The following DACH2 variants were observed in gnomAD, a reference collection of about 807,000 sequenced individuals.
DACH2 encodes dachshund homolog 2.
In DACH2, 17 loss-of-function variants were observed where a neutral mutation model predicts 35.8. The observed-to-expected ratio is 0.48, with a 90% CI of 0.33 to 0.71. The LOEUF (loss-of-function observed/expected upper bound fraction) is 0.71, where lower values mean the gene tolerates loss of function less well. Ranked by LOEUF, DACH2 falls within the 30% of genes least tolerant of loss-of-function variation. DACH2 has a pLI of 0.02. For missense variants in DACH2, 469 were observed against 472.7 expected (o/e 0.99, Z 0.07); for synonymous variants, 195 against 177.3 (o/e 1.10, Z -0.79).
chrX:86,244,371 T>C (rs2033234371), intron 1 of DACH2, among the ~76,000 whole-genome samples: 1 of 112,185 alleles, frequency 8.9e-6, no homozygotes, highest in African/African-American at 3.2e-5. Context: ...TTAGGGATGG[T>C]GCAAGGAAAA....
chrX:86,553,080 G>A (rs1317303968), intron 3 of DACH2, among the ~76,000 whole-genome samples: 1 of 110,895 alleles, frequency 9.0e-6, no homozygotes, highest in Admixed American at 9.7e-5. Flanking sequence ...CAATCACGAG[G>A]TGAAGTCCCA....
At chrX:86,769,856 C>G (rs991785258) in intron 7 of DACH2, among the ~76,000 whole-genome samples, 3 of 109,703 alleles carry the variant, frequency 2.7e-5, no homozygotes, top group Non-Finnish European at 1.9e-5. Context: ...TCTGGTGTAT[C>G]AATGGTACAA....
intron 1 of DACH2, among the ~76,000 whole-genome samples, chrX:86,341,021 GC>G (rs1199454217): frequency 2.7e-5 from 3 of 112,277 alleles, no homozygotes; most frequent in African/African-American, 9.7e-5. Flanking sequence ...AGGTGAAGCA[GC>G]AGGTGCTGAT....
At chrX:86,193,809 C>G (rs1157973458) in intron 1 of DACH2, among the ~76,000 whole-genome samples, 1 of 110,119 alleles carries the variant, frequency 9.1e-6, no homozygotes, top group African/African-American at 3.3e-5. Context: ...AACAAGACAA[C>G]TAACTGCAGG....
At chrX:86,554,168 G>A (rs1446375621) in intron 3 of DACH2, among the ~76,000 whole-genome samples, 1 of 111,348 alleles carries the variant, frequency 9.0e-6, no homozygotes, top group African/African-American at 3.3e-5. Context: ...GAGTTTTGAT[G>A]CTTTAGTTGG....
intron 3 of DACH2, among the ~76,000 whole-genome samples, chrX:86,576,828 G>T (rs747520972): frequency 1.8e-4 from 20 of 110,299 alleles, no homozygotes; most frequent in Non-Finnish European, 3.2e-4. Flanking sequence ...CTGTTGAAAA[G>T]AACCTGACAC....
At chrX:86,710,894 A>G (rs1206278242) in intron 5 of DACH2, among the ~76,000 whole-genome samples, 2 of 112,098 alleles carry the variant, frequency 1.8e-5, no homozygotes, top group Non-Finnish European at 3.8e-5. Context: ...GTATCAAGGG[A>G]TTAATGCCTG....
chrX:86,830,306 T>C (rs768948619), intron 11 of DACH2: 20 of 112,266 alleles, frequency 1.8e-4, no homozygotes, highest in Non-Finnish European at 3.2e-4. Context: ...TAACCAAATA[T>C]GTGTCAACAT....
chrX:86,816,716 T>C (rs2042457295), intron 11 of DACH2, among the ~76,000 whole-genome samples: 1 of 111,863 alleles, frequency 8.9e-6, no homozygotes, highest in Admixed American at 9.5e-5. Flanking sequence ...CAAATCAATA[T>C]AGAGTCTCAC....
intron 1 of DACH2, among the ~76,000 whole-genome samples, chrX:86,351,151 C>T: frequency 5.1e-5 from 1 of 19,538 alleles, no homozygotes; most frequent in Non-Finnish European, 7.0e-5. Flanking sequence ...AATGGGAGTT[C>T]ACCCATGATT....
intron 2 of DACH2, among the ~76,000 whole-genome samples, chrX:86,425,784 A>G (rs1255068515): frequency 9.0e-6 from 1 of 111,045 alleles, no homozygotes; most frequent in Non-Finnish European, 1.9e-5. Flanking sequence ...ATTAAGTGAA[A>G]TGATGAACTA....
chrX:86,299,348 C>CA (rs1383358666), intron 1 of DACH2, among the ~76,000 whole-genome samples: 1 of 111,490 alleles, frequency 9.0e-6, no homozygotes, highest in Non-Finnish European at 1.9e-5. Context: ...TCCATGCCCC[C>CA]AATGAGGGGG....
chrX:86,822,703 C>T (rs2042525121), intron 11 of DACH2, among the ~76,000 whole-genome samples: 1 of 111,402 alleles, frequency 9.0e-6, no homozygotes, highest in Non-Finnish European at 1.9e-5. Context: ...TTCTTTACAT[C>T]ATAGTTAATT....
chrX:86,732,723 G>C (rs1037480803), intron 6 of DACH2, among the ~76,000 whole-genome samples: 2 of 112,226 alleles, frequency 1.8e-5, no homozygotes, highest in African/African-American at 6.5e-5. Flanking sequence ...CACCTACTAA[G>C]TGCACAGCAT....
intron 6 of DACH2, among the ~76,000 whole-genome samples, chrX:86,731,488 G>C (rs1409481627): frequency 9.0e-6 from 1 of 111,306 alleles, no homozygotes; most frequent in Non-Finnish European, 1.9e-5. Flanking sequence ...TTTCCAACCA[G>C]TTTACTTTTC....
intron 2 of DACH2, among the ~76,000 whole-genome samples, chrX:86,382,258 A>G (rs1285774691): frequency 9.2e-6 from 1 of 108,771 alleles, no homozygotes; most frequent in Non-Finnish European, 1.9e-5. Context: ...GTGTTTGGAG[A>G]GAGACTTTTT....
At chrX:86,254,344 G>T (rs1270825823) in intron 1 of DACH2, among the ~76,000 whole-genome samples, 1 of 110,904 alleles carries the variant, frequency 9.0e-6, no homozygotes, top group Non-Finnish European at 1.9e-5. Flanking sequence ...CTAAACATGG[G>T]TTACTGTTTA....
chrX:86,449,167 G>A (rs1237843529), intron 2 of DACH2, among the ~76,000 whole-genome samples: 7 of 45,874 alleles, frequency 1.5e-4, no homozygotes, highest in African/African-American at 5.1e-4. Flanking sequence ...TTTTTATTGT[G>A]TCTATTTGAT....
At chrX:86,826,351 A>G (rs12390008) in intron 11 of DACH2, among the ~76,000 whole-genome samples, 16,741 of 111,072 alleles carry the variant, frequency 0.15, 1,000 homozygotes, top group East Asian at 0.34. Flanking sequence ...AAGATGACCT[A>G]TTGACCTATC....
Sources: gnomAD v4.1 joint callset for allele counts (sites outside exome capture counted in the v4.1 genomes callset) on GRCh38, gnomAD v4.1.1 for gene constraint, MANE v1.5 for transcripts, NCBI Gene and HGNC (gene_info 2026-07-23, HGNC 2026-07-21) for gene names.